The following RAB27A variants were observed in gnomAD, a reference collection of about 807,000 sequenced individuals.
RAB27A encodes the protein RAB27A, member RAS oncogene family.
In RAB27A, 17 loss-of-function variants were observed where a neutral mutation model predicts 20.8. The ratio of observed to expected loss-of-function variants is 0.82; its 90% CI spans 0.56 to 1.23. The LOEUF is 1.23. RAB27A is among the 50% of genes most tolerant of loss of function. The pLI, the probability that RAB27A is intolerant of heterozygous loss-of-function variation, is 0.00. For synonymous variants in RAB27A, 85 were observed against 92.8 expected (o/e 0.92, Z 0.48); for missense variants, 277 against 266.7 (o/e 1.04, Z -0.27).
At chr15:55,293,657 C>T (rs1316102172), upstream of RAB27A, among the ~76,000 whole-genome samples, 1 of 152,132 alleles carries the variant, frequency 6.6e-6, no homozygotes, top group Admixed American at 6.5e-5. Context: ...GTGGCTCACG[C>T]TTGTAATCCC....
chr15:55,238,669 T>C (rs1377779738), intron 2 of RAB27A, among the ~76,000 whole-genome samples: 1 of 152,186 alleles, frequency 6.6e-6, no homozygotes, highest in African/African-American at 2.4e-5. Context: ...AATTTCAGAT[T>C]GACTCTGGCC....
chr15:55,285,345 A>G (rs2141127865), intron 1 of RAB27A, among the ~76,000 whole-genome samples: 1 of 152,170 alleles, frequency 6.6e-6, no homozygotes, highest in South Asian at 2.1e-4. Context: ...GGAGGAACAA[A>G]ACTTTCAGCA....
intron 6 of RAB27A, 26 bp downstream of exon 6, chr15:55,223,863 C>A: frequency 1.9e-6 from 3 of 1,611,566 alleles, no homozygotes; most frequent in South Asian, 2.2e-5. Context: ...AATGTTTTCT[C>A]TAGACTTCTC....
Position 55,253,080 on chromosome 15 carries a change from C to A in RAB27A, c.-23+17085G>T, listed in dbSNP as rs143193800. Among the ~76,000 whole-genome samples the A allele has an allele frequency of 4.8e-3, 723 of 151,012 alleles. 2 individuals are homozygous for A. Among genetic ancestry groups the A allele is most frequent in the Non-Finnish European group, 7.3e-3 (495 of 67,826 alleles). On this transcript the variant is annotated intron_variant, in intron 2 of 6. Coordinates refer to ENST00000336787, the MANE Select transcript of RAB27A (RefSeq NM_183235.3). ...CCAGGAGGCGGAGGTTGCAGTGAGC[C>A]AAGATCGTGCCACTGCACTCCAGCC...
At chr15:55,293,910 C>T (rs567110285), upstream of RAB27A, among the ~76,000 whole-genome samples, 23 of 151,494 alleles carry the variant, frequency 1.5e-4, 1 homozygote, top group African/African-American at 5.6e-4. Context: ...AGTGAAACTT[C>T]TCAGATAAAA....
rs74015557 is a variant in RAB27A at position 55,273,657 on chromosome 15, G to A, written c.-142-3373C>T. 5.0e-3 allele frequency among the ~76,000 whole-genome samples: 756 copies of A among 152,220 alleles called. 12 individuals are homozygous for A. The highest frequency in any genetic ancestry group is 0.017 in the African/African-American group (714 of 41,546). Reference sequence around the variant, plus strand: ...ACAGTCCCAAGAGACTAAGAAGGTAGTTATGTGGTGACAAGGAGGTGAATT... The same window carrying A: ...ACAGTCCCAAGAGACTAAGAAGGTAATTATGTGGTGACAAGGAGGTGAATT... On this transcript the variant is annotated intron_variant, in intron 1 of 6. Coordinates refer to ENST00000336787, the MANE Select transcript of RAB27A (RefSeq NM_183235.3).
chr15:55,300,059 A>G (rs2054965291), intron 2 of RAB27A, among the ~76,000 whole-genome samples: 1 of 151,962 alleles, frequency 6.6e-6, no homozygotes, highest in African/African-American at 2.4e-5. Flanking sequence ...TGACCCCGTA[A>G]TCCGCCCGCC....
intron 2 of RAB27A, among the ~76,000 whole-genome samples, chr15:55,300,961 G>A (rs906919628): frequency 1.3e-5 from 2 of 152,070 alleles, no homozygotes; most frequent in Admixed American, 6.5e-5. Flanking sequence ...TTTTTCTCAA[G>A]AGACCCAAAG....
chr15:55,301,645 C>T lies in RAB27A; in HGVS notation c.-112+12394G>A, dbSNP rs374634785. Among the ~76,000 whole-genome samples the T allele has an allele frequency of 3.7e-4, 44 of 117,558 alleles. 1 individual carries two copies. Among genetic ancestry groups the T allele is most frequent in the Admixed American group, 2.1e-3 (22 of 10,272 alleles). 77.1% of individuals were successfully genotyped at this position (117,558 alleles called of 152,430 possible). A position where few individuals can be genotyped will look rare whatever the true frequency, so the allele number is the denominator to read the frequency against. On this transcript the variant is annotated intron_variant, in intron 2 of 5. Transcript: ENST00000563262. The stretch of plus-strand genomic sequence containing the variant: ...AGAACATTTTCATCACCCTAAAAAT[C>T]TTTTTTTTTTTTTTTTTTTGAGGCG...
intron 2 of RAB27A, among the ~76,000 whole-genome samples, chr15:55,313,196 G>A (rs908853942): frequency 4.6e-5 from 7 of 152,106 alleles, no homozygotes; most frequent in Middle Eastern, 6.4e-3. Context: ...GAAGAAGATC[G>A]CTTGAGTCCA....
chr15:55,289,623 C>G (rs905087045), intron 1 of RAB27A, 93 bp downstream of exon 1: 1 of 153,228 alleles, frequency 6.5e-6, no homozygotes, highest in African/African-American at 2.4e-5. Context: ...CACTCGGACC[C>G]CAGCCCTAGG....
chr15:55,312,244 C>A (rs1490304009), intron 2 of RAB27A, among the ~76,000 whole-genome samples: 2 of 152,094 alleles, frequency 1.3e-5, no homozygotes, highest in Non-Finnish European at 2.9e-5. Flanking sequence ...CAGCGGCAAA[C>A]AACAGGGGTG....
chr15:55,285,662 A>T (rs1248281588), intron 1 of RAB27A, among the ~76,000 whole-genome samples: 2 of 152,278 alleles, frequency 1.3e-5, no homozygotes, highest in Non-Finnish European at 2.9e-5. Context: ...TGAAGGCTAT[A>T]GAAGGGAAAA....
At chr15:55,235,993 G>A (rs1896240738) in intron 2 of RAB27A, among the ~76,000 whole-genome samples, 1 of 151,986 alleles carries the variant, frequency 6.6e-6, no homozygotes, top group South Asian at 2.1e-4. Context: ...TGATACAATG[G>A]ACTTTGGGGA....
intron 2 of RAB27A, among the ~76,000 whole-genome samples, chr15:55,304,963 G>A (rs2054991086): frequency 6.6e-6 from 1 of 152,176 alleles, no homozygotes. Flanking sequence ...GTTGCTGGCT[G>A]GAATGCCTGA....
chr15:55,302,474 G>A (rs1001998614), intron 2 of RAB27A, among the ~76,000 whole-genome samples: 2 of 152,118 alleles, frequency 1.3e-5, no homozygotes, highest in African/African-American at 2.4e-5. Flanking sequence ...TGCCGAGATG[G>A]CAGCCTCTGC....
chr15:55,308,229 C>A (rs533426264), intron 2 of RAB27A, among the ~76,000 whole-genome samples: 74 of 152,248 alleles, frequency 4.9e-4, no homozygotes, highest in African/African-American at 1.8e-3. Context: ...GTAAGACTGT[C>A]ACTTCTTTAG....
chr15:55,209,085 A>G (rs1273766761), intron 6 of RAB27A, among the ~76,000 whole-genome samples: 1 of 152,254 alleles, frequency 6.6e-6, no homozygotes, highest in African/African-American at 2.4e-5. Context: ...ATGTGTAAAG[A>G]TAAGTATACT....
chr15:55,251,308 G>C (rs1196933339), intron 2 of RAB27A, among the ~76,000 whole-genome samples: 3 of 152,192 alleles, frequency 2.0e-5, no homozygotes, highest in African/African-American at 4.8e-5. Context: ...ACCATAGGAA[G>C]AGTCTTGAGA....
Sources: allele counts gnomAD v4.1 joint callset (sites outside exome capture counted in the v4.1 genomes callset), GRCh38; gene constraint gnomAD v4.1.1; transcripts MANE v1.5; gene names NCBI Gene and HGNC (gene_info 2026-07-23, HGNC 2026-07-21).